The following CA10 variants were observed in gnomAD, a reference collection of about 807,000 sequenced individuals.
CA10 encodes the protein carbonic anhydrase 10 (inactive).
A neutral mutation model predicts 44.2 loss-of-function variants in CA10; 14 were observed. That is an observed-to-expected ratio of 0.32 (90% CI 0.21 to 0.50). The LOEUF is 0.50. Ranked by LOEUF, CA10 falls within the 20% of genes least tolerant of loss-of-function variation. The probability of loss-of-function intolerance (pLI) is 0.99; values close to 1 mark genes in which losing one functional copy is unlikely to be tolerated. For synonymous variants in CA10, 159 were observed against 141.6 expected (o/e 1.12, Z -0.87); for missense variants, 350 against 409.7 (o/e 0.85, Z 1.26).
chr17:52,051,426 T>C (rs2970026), intron 2 of CA10, among the ~76,000 whole-genome samples: 150,390 of 151,556 alleles, frequency 0.99, 74,628 homozygotes, highest in South Asian at 1. Context: ...TATCCAGCAT[T>C]TATAGATAAC....
At chr17:51,752,217 T>C (rs1025230023) in intron 3 of CA10, among the ~76,000 whole-genome samples, 4 of 151,694 alleles carry the variant, frequency 2.6e-5, no homozygotes, top group Non-Finnish European at 4.4e-5. Flanking sequence ...TTATGTATGA[T>C]ATCTGAGGGT....
At position 52,157,806 on chromosome 17, in the gene CA10, G is replaced by A. The variant is rs748696349; in HGVS notation, c.-20C>T. On this transcript the variant is annotated 5_prime_UTR_variant, in exon 1 of 9. Transcript: ENST00000451037. The stretch of plus-strand genomic sequence containing the variant: ...TTCCATCCTCTGATTCTCATTCCAA[G>A]TGCATCACTCGACGGGAAAACGGGG... The A allele has an allele frequency of 1.2e-6, 2 of 1,609,670 alleles. No individual in the cohort carries two copies. The highest frequency in any genetic ancestry group is 1.7e-6 in the Non-Finnish European group (2 of 1,175,986).
chr17:51,837,424 T>C (rs951999741), intron 3 of CA10, among the ~76,000 whole-genome samples: 1 of 152,178 alleles, frequency 6.6e-6, no homozygotes, highest in Non-Finnish European at 1.5e-5. Flanking sequence ...GTACATAAAA[T>C]TTCATGTGAT....
At chr17:52,134,899 A>G (rs2143361837) in intron 1 of CA10, 1 of 518,884 alleles carries the variant, frequency 1.9e-6, no homozygotes, top group East Asian at 5.5e-5. Context: ...CACCCCCACC[A>G]TACACAGTTC....
chr17:51,766,387 C>G (rs1440531349), intron 3 of CA10, among the ~76,000 whole-genome samples: 1 of 152,148 alleles, frequency 6.6e-6, no homozygotes, highest in Non-Finnish European at 1.5e-5. Context: ...CAGGGAGAAC[C>G]AGGTGGGAAA....
intron 2 of CA10, among the ~76,000 whole-genome samples, chr17:51,976,502 A>G (rs975674676): frequency 6.6e-6 from 1 of 152,160 alleles, no homozygotes; most frequent in African/African-American, 2.4e-5. Context: ...TAAAATACTT[A>G]TGTGTCAGAC....
At chr17:52,051,191 G>A (rs775915807) in intron 2 of CA10, among the ~76,000 whole-genome samples, 17 of 151,472 alleles carry the variant, frequency 1.1e-4, no homozygotes, top group South Asian at 4.2e-4. Flanking sequence ...ACAAAGGCAC[G>A]TAAACCCTGG....
At chr17:51,848,111 T>A (rs1466116406) in intron 3 of CA10, among the ~76,000 whole-genome samples, 2 of 152,166 alleles carry the variant, frequency 1.3e-5, no homozygotes, top group Non-Finnish European at 2.9e-5. Flanking sequence ...AATATTTTCA[T>A]GCAATATTTT....
chr17:51,927,068 C>T (rs1982462866), intron 3 of CA10, among the ~76,000 whole-genome samples: 1 of 152,060 alleles, frequency 6.6e-6, no homozygotes, highest in South Asian at 2.1e-4. Flanking sequence ...TTTTTTAGAT[C>T]CTACCTTCTA....
At chr17:52,156,995 C>A (rs1989816841) in intron 1 of CA10, among the ~76,000 whole-genome samples, 1 of 152,174 alleles carries the variant, frequency 6.6e-6, no homozygotes, top group Non-Finnish European at 1.5e-5. Flanking sequence ...ACAAGCCCAA[C>A]CTCTTTCACC....
intron 2 of CA10, among the ~76,000 whole-genome samples, chr17:51,938,569 G>A (rs1006054017): frequency 6.6e-6 from 1 of 152,144 alleles, no homozygotes; most frequent in Admixed American, 6.6e-5. Flanking sequence ...TCATCCAATA[G>A]GGTTTTTAAC....
At chr17:52,023,156 C>A (rs1986194966) in intron 2 of CA10, among the ~76,000 whole-genome samples, 2 of 151,926 alleles carry the variant, frequency 1.3e-5, no homozygotes, top group African/African-American at 2.4e-5. Flanking sequence ...GCTAAACGAT[C>A]CTAAGCAAAA....
chr17:52,057,888 CTG>C (rs1987274640), intron 2 of CA10, among the ~76,000 whole-genome samples: 2 of 152,198 alleles, frequency 1.3e-5, no homozygotes, highest in South Asian at 4.2e-4. Flanking sequence ...GCACTTCTGA[CTG>C]TGTAGATCCT....
rs140182187 is a variant in CA10, at chr17:51,655,432, C to A, written c.466-1696G>T. Among the ~76,000 whole-genome samples the A allele has an allele frequency of 7.6e-3, 1,158 of 152,280 alleles. 4 individuals carry two copies. The highest frequency in any genetic ancestry group is 0.012 in the Non-Finnish European group (818 of 68,026). On this transcript the variant is annotated intron_variant, in intron 4 of 8. Coordinates refer to ENST00000451037, the MANE Select transcript of CA10 (RefSeq NM_020178.5). ...TCATTATTGCCAATATCTTGAATTG[C>A]ATTAAAAAAGGTGAAGTTTTAGAAG...
At chr17:51,773,474 CTGG>C (rs1905691870) in intron 3 of CA10, among the ~76,000 whole-genome samples, 1 of 152,194 alleles carries the variant, frequency 6.6e-6, no homozygotes, top group Admixed American at 6.5e-5. Flanking sequence ...CCCTCAGAGC[CTGG>C]TGGAGAAGTT....
intron 6 of CA10, among the ~76,000 whole-genome samples, chr17:51,644,491 TCTGG>T: frequency 6.6e-6 from 1 of 152,298 alleles, no homozygotes; most frequent in Non-Finnish European, 1.5e-5. Context: ...TTAAACGCCA[TCTGG>T]ATGCCAACGT....
chr17:51,942,411 G>A (rs932384006), intron 2 of CA10, among the ~76,000 whole-genome samples: 11 of 151,754 alleles, frequency 7.2e-5, no homozygotes, highest in African/African-American at 2.2e-4. Flanking sequence ...ATTTTTTATC[G>A]AGGTGCTAGA....
intron 2 of CA10, among the ~76,000 whole-genome samples, chr17:51,956,050 T>C (rs544427252): frequency 6.6e-6 from 1 of 152,194 alleles, no homozygotes; most frequent in Non-Finnish European, 1.5e-5. Context: ...TATAGACAGT[T>C]CCCCACCTAA....
At chr17:52,048,410 C>A (rs1986971962) in intron 2 of CA10, among the ~76,000 whole-genome samples, 2 of 152,032 alleles carry the variant, frequency 1.3e-5, no homozygotes, top group East Asian at 3.9e-4. Context: ...AGGCACCGTG[C>A]AGGCAGTATA....
Sources: gnomAD v4.1 joint callset for allele counts (sites outside exome capture counted in the v4.1 genomes callset) on GRCh38, gnomAD v4.1.1 for gene constraint, MANE v1.5 for transcripts, NCBI Gene and HGNC (gene_info 2026-07-23, HGNC 2026-07-21) for gene names.